The following ANTXR1 variants were observed in gnomAD, a reference collection of about 807,000 sequenced individuals.
ANTXR1 encodes the protein anthrax toxin receptor 1.
A neutral mutation model predicts 78.1 loss-of-function variants in ANTXR1; 19 were observed. That is an observed-to-expected ratio of 0.24 (90% CI 0.17 to 0.36). The LOEUF (loss-of-function observed/expected upper bound fraction) is 0.36, where lower values mean the gene tolerates loss of function less well. Ranked by LOEUF, ANTXR1 falls within the 10% of genes least tolerant of loss-of-function variation. The pLI is 1.00. For synonymous variants in ANTXR1, 273 were observed against 260.5 expected (o/e 1.05, Z -0.46); for missense variants, 518 against 718.6 (o/e 0.72, Z 3.19).
chr2:69,189,592 G>C (rs1323955050), intron 16 of ANTXR1, among the ~76,000 whole-genome samples: 4 of 152,248 alleles, frequency 2.6e-5, no homozygotes, highest in African/African-American at 9.6e-5. Flanking sequence ...CCCAGAATGA[G>C]TGACAGATGA....
intron 17 of ANTXR1, among the ~76,000 whole-genome samples, chr2:69,238,921 G>A (rs112588973): frequency 1.8e-3 from 276 of 152,242 alleles, no homozygotes; most frequent in Non-Finnish European, 3.0e-3. Flanking sequence ...TCCACGGAGC[G>A]TGCCTGATGC....
chr2:69,157,616 T>C (rs558640005), intron 13 of ANTXR1, among the ~76,000 whole-genome samples: 6 of 152,296 alleles, frequency 3.9e-5, no homozygotes, highest in Middle Eastern at 3.4e-3. Flanking sequence ...TGGAGCTGCC[T>C]ACAGCACATC....
intron 10 of ANTXR1, among the ~76,000 whole-genome samples, chr2:69,107,678 A>T (rs1033839111): frequency 1.7e-4 from 26 of 152,360 alleles, no homozygotes; most frequent in African/African-American, 6.3e-4. Context: ...ATATTGGCAA[A>T]CAAAATCCAG....
intron 13 of ANTXR1, among the ~76,000 whole-genome samples, chr2:69,162,916 A>G (rs1268085401): frequency 6.6e-6 from 1 of 152,124 alleles, no homozygotes; most frequent in African/African-American, 2.4e-5. Flanking sequence ...ACAAAATAAT[A>G]TATTAGGTTG....
chr2:69,221,807 A>T (rs750113130), intron 17 of ANTXR1, among the ~76,000 whole-genome samples: 2 of 152,168 alleles, frequency 1.3e-5, no homozygotes, highest in Non-Finnish European at 2.9e-5. Context: ...GTGTGGAGTT[A>T]GTGAGCCCAG....
chr2:69,219,909 T>A (rs991080157), intron 17 of ANTXR1, among the ~76,000 whole-genome samples: 1 of 150,596 alleles, frequency 6.6e-6, no homozygotes, highest in Non-Finnish European at 1.5e-5. Flanking sequence ...TCTCCATCCT[T>A]CCTGATTTTT....
intron 6 of ANTXR1, among the ~76,000 whole-genome samples, chr2:69,073,494 G>A (rs977277850): frequency 6.6e-6 from 1 of 152,152 alleles, no homozygotes; most frequent in South Asian, 2.1e-4. Flanking sequence ...CTTGAAATAT[G>A]TAAGAGCCAG....
chr2:69,133,216 C>A (rs1672809006), intron 12 of ANTXR1, among the ~76,000 whole-genome samples: 1 of 152,136 alleles, frequency 6.6e-6, no homozygotes, highest in Non-Finnish European at 1.5e-5. Context: ...TGTATTTTCC[C>A]CAACAAGGAT....
At chr2:69,190,927 G>A (rs1301853642) in intron 16 of ANTXR1, among the ~76,000 whole-genome samples, 1 of 152,180 alleles carries the variant, frequency 6.6e-6, no homozygotes, top group Non-Finnish European at 1.5e-5. Context: ...AGAGTTGGGT[G>A]ATTAGCACAC....
At chr2:69,131,259 T>C (rs1672735884) in intron 12 of ANTXR1, among the ~76,000 whole-genome samples, 1 of 152,226 alleles carries the variant, frequency 6.6e-6, no homozygotes, top group Non-Finnish European at 1.5e-5. Flanking sequence ...TTCTCACTTA[T>C]ATGTTGCCAG....
intron 14 of ANTXR1, among the ~76,000 whole-genome samples, chr2:69,178,420 G>A (rs1007998607): frequency 6.6e-6 from 1 of 152,204 alleles, no homozygotes; most frequent in African/African-American, 2.4e-5. Context: ...GCGGCAGCGT[G>A]TGGAGATTGC....
intron 1 of ANTXR1, among the ~76,000 whole-genome samples, chr2:69,031,507 T>C (rs558256135): frequency 6.6e-6 from 1 of 152,292 alleles, no homozygotes; most frequent in South Asian, 2.1e-4. Context: ...CACAGTCTAA[T>C]TACGTTGATG....
intron 1 of ANTXR1, among the ~76,000 whole-genome samples, chr2:69,028,100 A>T (rs1671405245): frequency 6.6e-6 from 1 of 152,210 alleles, no homozygotes; most frequent in African/African-American, 2.4e-5. Context: ...ATGATAAATA[A>T]TGAATGAAAA....
intron 10 of ANTXR1, among the ~76,000 whole-genome samples, chr2:69,107,224 T>C (rs1237910708): frequency 1.3e-5 from 2 of 151,888 alleles, no homozygotes; most frequent in Non-Finnish European, 2.9e-5. Flanking sequence ...AGGAAAGATA[T>C]AAAGAAAACG....
At chr2:69,145,476 G>C in intron 12 of ANTXR1, 1 of 1,519,170 alleles carries the variant, frequency 6.6e-7, no homozygotes, top group Non-Finnish European at 8.8e-7. Flanking sequence ...TACTGAATGA[G>C]TGGAGGGCAG....
Position 69,021,603 on chromosome 2 carries a change from C to T in ANTXR1, c.152+7952C>T, listed in dbSNP as rs79222680. 9.2e-3 allele frequency among the ~76,000 whole-genome samples: 1,393 copies of T among 152,234 alleles called. 21 individuals are homozygous for T. Among genetic ancestry groups the T allele is most frequent in the African/African-American group, 0.032 (1,310 of 41,546 alleles). On this transcript the variant is annotated intron_variant, in intron 1 of 17. Coordinates refer to ENST00000303714, the MANE Select transcript of ANTXR1 (RefSeq NM_032208.3). ...CATGAAATGCTCCAGCCAGAAGTGA[C>T]GTGCATCCTTCTCCTCACAGCCTGT...
chr2:69,231,578 A>G (rs1675597708), intron 17 of ANTXR1, among the ~76,000 whole-genome samples: 1 of 152,112 alleles, frequency 6.6e-6, no homozygotes, highest in South Asian at 2.1e-4. Context: ...ATAATTTGCT[A>G]TTTTTCCTCA....
At chr2:69,173,946 G>A (rs1674054438) in intron 14 of ANTXR1, among the ~76,000 whole-genome samples, 1 of 152,196 alleles carries the variant, frequency 6.6e-6, no homozygotes, top group African/African-American at 2.4e-5. Context: ...GCCTTGGCCA[G>A]ACCTGGGCTG....
At chr2:69,208,749 T>C (rs1395060210) in intron 17 of ANTXR1, among the ~76,000 whole-genome samples, 1 of 152,266 alleles carries the variant, frequency 6.6e-6, no homozygotes, top group African/African-American at 2.4e-5. Flanking sequence ...TTTTGGTTTT[T>C]ATTCACAGTA....
Sources: gnomAD v4.1 joint callset for allele counts (sites outside exome capture counted in the v4.1 genomes callset) on GRCh38, gnomAD v4.1.1 for gene constraint, MANE v1.5 for transcripts, NCBI Gene and HGNC (gene_info 2026-07-23, HGNC 2026-07-21) for gene names.